PDE4B: variants seen among roughly 807,000 people sequenced by gnomAD.
PDE4B encodes the protein phosphodiesterase 4B.
In PDE4B, 20 loss-of-function variants were observed where a neutral mutation model predicts 82.2. The observed-to-expected ratio is 0.24, with a 90% CI of 0.17 to 0.35. PDE4B has a LOEUF of 0.35. PDE4B is among the 10% of genes least tolerant of loss of function. The pLI is 1.00. For synonymous variants in PDE4B, 320 were observed against 318.9 expected (o/e 1.00, Z -0.04); for missense variants, 655 against 907.2 (o/e 0.72, Z 3.57).
chr1:66,094,695 G>C (rs1263821568), intron 3 of PDE4B: 1 of 151,906 alleles, frequency 6.6e-6, no homozygotes, highest in South Asian at 2.1e-4. Flanking sequence ...ATTAATTCCA[G>C]AATCATGGAA....
At chr1:66,230,553 T>G (rs905009999) in intron 3 of PDE4B, among the ~76,000 whole-genome samples, 9 of 152,166 alleles carry the variant, frequency 5.9e-5, no homozygotes, top group Non-Finnish European at 2.9e-5. Flanking sequence ...AATTTGAAAG[T>G]TTTGTGACAT....
At chr1:66,228,121 A>T (rs890165939) in intron 3 of PDE4B, among the ~76,000 whole-genome samples, 1 of 152,146 alleles carries the variant, frequency 6.6e-6, no homozygotes, top group African/African-American at 2.4e-5. Flanking sequence ...CCTTAGCCTG[A>T]CACCCAAATA....
At chr1:65,827,850 T>C (rs928167752) in intron 1 of PDE4B, among the ~76,000 whole-genome samples, 1 of 152,198 alleles carries the variant, frequency 6.6e-6, no homozygotes, top group Admixed American at 6.5e-5. Flanking sequence ...CAACATATAA[T>C]GTTTTTAAAA....
chr1:66,337,655 A>T (rs1272497562), intron 8 of PDE4B, among the ~76,000 whole-genome samples: 2 of 152,162 alleles, frequency 1.3e-5, no homozygotes, highest in Non-Finnish European at 2.9e-5. Flanking sequence ...GCTGTTATGG[A>T]GGGATATCTG....
intron 1 of PDE4B, among the ~76,000 whole-genome samples, chr1:65,885,500 G>A (rs1321559054): frequency 5.3e-5 from 8 of 152,030 alleles, no homozygotes; most frequent in African/African-American, 1.4e-4. Context: ...AGAAAATGTG[G>A]CACATATACA....
intron 3 of PDE4B, among the ~76,000 whole-genome samples, chr1:66,209,759 T>C (rs1236079933): frequency 6.6e-6 from 1 of 152,234 alleles, no homozygotes; most frequent in African/African-American, 2.4e-5. Context: ...TAGAAGTTCA[T>C]ATAAAAGGAA....
At chr1:66,115,969 C>T (rs1399903668) in intron 3 of PDE4B, among the ~76,000 whole-genome samples, 1 of 152,174 alleles carries the variant, frequency 6.6e-6, no homozygotes, top group African/African-American at 2.4e-5. Context: ...TTAGCATTGG[C>T]AACATTCTAT....
At chr1:65,866,517 C>T (rs1245284119) in intron 1 of PDE4B, among the ~76,000 whole-genome samples, 1 of 152,066 alleles carries the variant, frequency 6.6e-6, no homozygotes, top group East Asian at 1.9e-4. Flanking sequence ...CTGTATTCAC[C>T]ACAAAAAGTG....
intron 8 of PDE4B, among the ~76,000 whole-genome samples, chr1:66,333,253 C>A (rs1660258658): frequency 6.6e-6 from 1 of 152,126 alleles, no homozygotes; most frequent in Non-Finnish European, 1.5e-5. Flanking sequence ...ATGCATACTG[C>A]CCCCAAAATG....
At chr1:65,870,036 A>G (rs1464009126) in intron 1 of PDE4B, among the ~76,000 whole-genome samples, 3 of 152,174 alleles carry the variant, frequency 2.0e-5, no homozygotes, top group Non-Finnish European at 1.5e-5. Flanking sequence ...ATGTCATAAG[A>G]TTAATTTTAG....
intron 3 of PDE4B, among the ~76,000 whole-genome samples, chr1:66,204,275 G>T (rs1649333467): frequency 6.6e-6 from 1 of 152,248 alleles, no homozygotes; most frequent in Non-Finnish European, 1.5e-5. Context: ...GTACCTCCCA[G>T]TTAGGCTGCT....
Position 66,374,278 on chromosome 1 carries a change from A to G in PDE4B, c.*1600A>G, listed in dbSNP as rs1054710674. The G allele has an allele frequency of 6.5e-6, 1 of 152,696 alleles. No individual in the cohort carries two copies. Among genetic ancestry groups the G allele is most frequent in the African/African-American group, 2.4e-5 (1 of 41,474 alleles). 9.5% of individuals were successfully genotyped at this position (152,696 alleles called of 1,614,324 possible). On this transcript the variant is annotated 3_prime_UTR_variant, in exon 17 of 17. Coordinates refer to ENST00000341517, the MANE Select transcript of PDE4B (RefSeq NM_002600.4). ...AATAAAATGTGAACTGATGTAGCAA[A>G]TTACGCAAATGTGAAGCCTCTTCTG...
intron 7 of PDE4B, among the ~76,000 whole-genome samples, chr1:66,276,002 A>G (rs1489062065): frequency 4.6e-5 from 7 of 151,952 alleles, no homozygotes; most frequent in Admixed American, 4.6e-4. Context: ...TGAATCTTAC[A>G]GGCAGCCAGG....
intron 3 of PDE4B, among the ~76,000 whole-genome samples, chr1:66,099,309 T>C (rs1570230190): frequency 6.6e-6 from 1 of 152,280 alleles, no homozygotes; most frequent in Non-Finnish European, 1.5e-5. Flanking sequence ...CATTCTTTTG[T>C]ATGGCTGCAT....
At chr1:66,200,433 G>T (rs1261984550) in intron 3 of PDE4B, among the ~76,000 whole-genome samples, 1 of 152,120 alleles carries the variant, frequency 6.6e-6, no homozygotes, top group African/African-American at 2.4e-5. Flanking sequence ...AAATTACCTT[G>T]GGCAGTATGG....
chr1:66,051,833 G>A (rs548711021), intron 3 of PDE4B, among the ~76,000 whole-genome samples: 2 of 152,232 alleles, frequency 1.3e-5, no homozygotes, highest in African/African-American at 4.8e-5. Context: ...CTCATGTATT[G>A]TGGTAGACAA....
At chr1:66,068,644 T>TA (rs901866524) in intron 3 of PDE4B, among the ~76,000 whole-genome samples, 2 of 151,900 alleles carry the variant, frequency 1.3e-5, no homozygotes, top group African/African-American at 4.8e-5. Flanking sequence ...GATGAAAATA[T>TA]AAAAAAAATT....
chr1:65,993,845 G>A (rs1214753119), intron 3 of PDE4B, among the ~76,000 whole-genome samples: 1 of 152,030 alleles, frequency 6.6e-6, no homozygotes, highest in Non-Finnish European at 1.5e-5. Flanking sequence ...AACTTGCACT[G>A]AGCCTGCCAC....
At position 66,106,573 on chromosome 1, in the gene PDE4B, T is replaced by C. The variant is rs558485870; in HGVS notation, c.282-140887T>C. Among the ~76,000 whole-genome samples, 644 of 150,678 alleles carry C rather than the reference T, an allele frequency of 4.3e-3. 6 individuals carry two copies. The highest frequency in any genetic ancestry group is 0.015 in the African/African-American group (619 of 41,266). On this transcript the variant is annotated intron_variant, in intron 3 of 16. Transcript: ENST00000341517. ...GCTGTGAATCCATCTGGTCCTGGACTCTTTTTGGTTGGTAAGCTATTGATT... is the reference window on the plus strand; with the variant it reads ...GCTGTGAATCCATCTGGTCCTGGACCCTTTTTGGTTGGTAAGCTATTGATT...
Sources: allele counts gnomAD v4.1 joint callset (sites outside exome capture counted in the v4.1 genomes callset), GRCh38; gene constraint gnomAD v4.1.1; transcripts MANE v1.5; gene names NCBI Gene and HGNC (gene_info 2026-07-23, HGNC 2026-07-21).